The following HOMER1 variants were observed in gnomAD, a reference collection of about 807,000 sequenced individuals.
HOMER1 encodes the protein homer protein homolog 1.
In HOMER1, 3 loss-of-function variants were observed where a neutral mutation model predicts 48.9. That is an observed-to-expected ratio of 0.06 (90% CI 0.03 to 0.16). The LOEUF (loss-of-function observed/expected upper bound fraction) is 0.16. HOMER1 is among the 10% of genes least tolerant of loss of function. The pLI is 1.00. For synonymous variants in HOMER1, 134 were observed against 146.4 expected (o/e 0.92, Z 0.61); for missense variants, 247 against 411.4 (o/e 0.60, Z 3.46).
chr5:79,501,518 T>A (rs1291551302), intron 1 of HOMER1, among the ~76,000 whole-genome samples: 1 of 152,214 alleles, frequency 6.6e-6, no homozygotes, highest in African/African-American at 2.4e-5. Flanking sequence ...TATGCGAGAC[T>A]TACTTACACT....
chr5:79,394,901 ATT>A (rs1372452103), intron 8 of HOMER1, among the ~76,000 whole-genome samples: 1 of 152,232 alleles, frequency 6.6e-6, no homozygotes, highest in African/African-American at 2.4e-5. Flanking sequence ...AACATTAGAA[ATT>A]TGATATAAAT....
At chr5:79,389,562 C>T (rs1198566633) in intron 8 of HOMER1, among the ~76,000 whole-genome samples, 1 of 152,166 alleles carries the variant, frequency 6.6e-6, no homozygotes, top group Admixed American at 6.6e-5. Flanking sequence ...GAGGTTTCCC[C>T]TCCAGTGTTG....
chr5:79,512,681 T>C (rs925428430), intron 1 of HOMER1, 89 bp downstream of exon 1: 12 of 1,305,408 alleles, frequency 9.2e-6, no homozygotes, highest in Admixed American at 1.8e-5. Flanking sequence ...GCAAGTTTGT[T>C]TGAAAACACA....
At chr5:79,379,553 A>G (rs1442304340) in intron 8 of HOMER1, among the ~76,000 whole-genome samples, 1 of 144,346 alleles carries the variant, frequency 6.9e-6, no homozygotes, top group Non-Finnish European at 1.5e-5. Context: ...TCTGACAACA[A>G]TAACTTCAGC....
chr5:79,465,872 C>T (rs1171230090), intron 1 of HOMER1, among the ~76,000 whole-genome samples: 1 of 152,092 alleles, frequency 6.6e-6, no homozygotes, highest in Non-Finnish European at 1.5e-5. Context: ...GGATTACGGG[C>T]GTGAGCTACT....
At chr5:79,471,954 C>G (rs1449478627) in intron 1 of HOMER1, among the ~76,000 whole-genome samples, 1 of 152,180 alleles carries the variant, frequency 6.6e-6, no homozygotes, top group Non-Finnish European at 1.5e-5. Context: ...CATTCTTGGT[C>G]ACTCTATGTA....
rs544827559 is a variant in HOMER1 at position 79,375,577 on chromosome 5, C to T, written c.*432G>A. 2 of 152,464 alleles carry T rather than the reference C, an allele frequency of 1.3e-5. No individual in the cohort carries two copies. The highest frequency in any genetic ancestry group is 4.8e-5 in the African/African-American group (2 of 41,454). 9.4% of individuals were successfully genotyped at this position (152,464 alleles called of 1,614,324 possible). A position where few individuals can be genotyped will look rare whatever the true frequency, so the allele number is the denominator to read the frequency against. ...ATTACAACAAAAGACAGGCTTTCAT[C>T]ACTAAGTTTTTGCACAAAACACAGC... On this transcript the variant is annotated 3_prime_UTR_variant, in exon 9 of 9. Coordinates refer to ENST00000334082, the MANE Select transcript of HOMER1 (RefSeq NM_004272.5).
chr5:79,396,943 T>A (rs1338862586), intron 7 of HOMER1, 40 bp from the exon 8 acceptor site: 3 of 1,132,618 alleles, frequency 2.6e-6, no homozygotes, highest in Non-Finnish European at 2.6e-6. Context: ...TCAAACTATA[T>A]CAAGGCAAGG....
At chr5:79,510,715 C>T (rs1752917055) in intron 1 of HOMER1, 1 of 798,474 alleles carries the variant, frequency 1.3e-6, no homozygotes, top group Admixed American at 1.7e-5. Flanking sequence ...GCAAGCTCAA[C>T]TTGCCTACAC....
rs116365954 is a variant in HOMER1, at chr5:79,385,916, A to G, written c.877-9719T>C. Among the ~76,000 whole-genome samples, 1,043 of 151,966 alleles carry G rather than the reference A, an allele frequency of 6.9e-3. 15 individuals carry two copies. The highest frequency in any genetic ancestry group is 0.024 in the African/African-American group (1,010 of 41,446). The stretch of plus-strand genomic sequence containing the variant: ...ATGGCTATTATCATTACTTTCAGAT[A>G]ACATCAGAATTGAATGGATAGAATG... On this transcript the variant is annotated intron_variant, in intron 8 of 8. Coordinates refer to ENST00000334082, the MANE Select transcript of HOMER1 (RefSeq NM_004272.5).
In HOMER1 at chr5:79,455,873, CCG is replaced by C. The variant is rs1308948117; in HGVS notation, c.162+987_162+988del. ...AGTTCATTGATGATTAAAGGATCCC[CCG>C]TCCCAGCGCGGTAGCTCATGCCTGT... is the stretch of plus-strand genomic sequence containing the variant. On this transcript the variant is annotated intron_variant, in intron 2 of 8. Transcript: ENST00000334082. 2.0e-5 allele frequency among the ~76,000 whole-genome samples: 3 copies of C among 152,094 alleles called. No individual in the cohort carries two copies. In the East Asian group the frequency reaches 5.8e-4, roughly 29 times the overall value.
Position 79,498,874 on chromosome 5 carries a change from G to A in HOMER1, c.5+13896C>T, listed in dbSNP as rs553125242. Among the ~76,000 whole-genome samples, 233 of 142,198 alleles carry A rather than the reference G, an allele frequency of 1.6e-3. 4 individuals are homozygous for A. In the South Asian group the frequency reaches 0.029, roughly 18 times the overall value. The allele number at this position is 142,198 out of a possible 152,430, so 93.3% of individuals were successfully genotyped here. ...TTTTCAGACAGAGTCTCGCTCTGTC[G>A]CCAGGCTGGAGTGCAAAGTGGCATG... is the stretch of plus-strand genomic sequence containing the variant. On this transcript the variant is annotated intron_variant, in intron 1 of 8. Transcript: ENST00000334082.
In HOMER1 at chr5:79,467,683, C is replaced by T. The variant is rs561952314; in HGVS notation, c.6-10665G>A. ...GTATTATTGTGAATATTTTAAATTG[C>T]TCAAAACAAACAATAAAACGTCACA... On this transcript the variant is annotated intron_variant, in intron 1 of 8. Coordinates refer to ENST00000334082, the MANE Select transcript of HOMER1 (RefSeq NM_004272.5). Among the ~76,000 whole-genome samples the T allele has an allele frequency of 2.0e-5, 3 of 152,316 alleles. No individual in the cohort carries two copies. In the South Asian group the frequency reaches 6.2e-4, roughly 32 times the overall value.
intron 4 of HOMER1, among the ~76,000 whole-genome samples, chr5:79,439,605 C>T (rs1750689143): frequency 6.6e-6 from 1 of 151,780 alleles, no homozygotes; most frequent in Non-Finnish European, 1.5e-5. Context: ...AGGGGGAGGG[C>T]AAAGGGGTGA....
At chr5:79,433,965 A>G (rs1750499832) in intron 5 of HOMER1, among the ~76,000 whole-genome samples, 2 of 152,226 alleles carry the variant, frequency 1.3e-5, no homozygotes, top group Admixed American at 6.5e-5. Flanking sequence ...TAGAAGGTAC[A>G]TGCAATATCC....
At chr5:79,480,050 A>C (rs1460792635) in intron 1 of HOMER1, among the ~76,000 whole-genome samples, 2 of 152,222 alleles carry the variant, frequency 1.3e-5, no homozygotes, top group Non-Finnish European at 1.5e-5. Context: ...GTTGAGTAGT[A>C]AGTCTATTTT....
Position 79,512,780 on chromosome 5 carries a change from C to T in HOMER1, c.-6G>A. ...CACAAAAATCCTTACCCCATTTTGC[C>T]CAATGAAAACTTGCTCTGAAGTTTC... On this transcript the variant is annotated 5_prime_UTR_variant, in exon 1 of 9. Transcript: ENST00000334082. 6.2e-7 allele frequency: 1 copy of T among 1,613,514 alleles called. No homozygotes were observed. Among genetic ancestry groups the T allele is most frequent in the Non-Finnish European group, 8.5e-7 (1 of 1,179,638 alleles).
chr5:79,470,349 C>T (rs145631806), intron 1 of HOMER1, among the ~76,000 whole-genome samples: 79 of 152,256 alleles, frequency 5.2e-4, no homozygotes, highest in African/African-American at 1.8e-3. Flanking sequence ...CTTTCAGCCA[C>T]GTATTTATAT....
intron 5 of HOMER1, among the ~76,000 whole-genome samples, chr5:79,436,476 A>C (rs545657619): frequency 6.6e-6 from 1 of 152,198 alleles, no homozygotes; most frequent in Non-Finnish European, 1.5e-5. Flanking sequence ...TACGCAACTC[A>C]CCTAACCTCT....
Sources: gnomAD v4.1 joint callset for allele counts (sites outside exome capture counted in the v4.1 genomes callset) on GRCh38, gnomAD v4.1.1 for gene constraint, MANE v1.5 for transcripts, NCBI Gene and HGNC (gene_info 2026-07-23, HGNC 2026-07-21) for gene names.